Variants in ZFPM2 observed in about 807,000 individuals in gnomAD.
The protein encoded by ZFPM2 is zinc finger protein, FOG family member 2.
A neutral mutation model predicts 98.6 loss-of-function variants in ZFPM2; 20 were observed. That is an observed-to-expected ratio of 0.20 (90% CI 0.14 to 0.29). ZFPM2 has a LOEUF of 0.29. ZFPM2 is among the 10% of genes least tolerant of loss of function. The pLI is 1.00. For missense variants in ZFPM2, 1,310 were observed against 1,388.6 expected (o/e 0.94, Z 0.90); for synonymous variants, 518 against 502.7 (o/e 1.03, Z -0.41).
chr8:105,477,237 CTTTTTTTTTT>C (rs397891589), intron 3 of ZFPM2, among the ~76,000 whole-genome samples: 17 of 74,476 alleles, frequency 2.3e-4, no homozygotes, highest in African/African-American at 7.9e-4. Context: ...TGCTAGCAAT[CTTTTTTTTTT>C]TTTTTTTTTT....
intron 1 of ZFPM2, among the ~76,000 whole-genome samples, chr8:105,395,378 AG>A (rs1811199408): frequency 6.6e-6 from 1 of 152,190 alleles, no homozygotes; most frequent in Admixed American, 6.5e-5. Flanking sequence ...GTAAATAAGA[AG>A]GGGGTCATTT....
chr8:105,489,466 A>ATATATAT (rs1554610604), intron 3 of ZFPM2, among the ~76,000 whole-genome samples: 1 of 119,810 alleles, frequency 8.3e-6, no homozygotes, highest in Admixed American at 9.0e-5. Flanking sequence ...ATATATATAT[A>ATATATAT]TTTTTTTTTT....
At chr8:105,749,557 G>T (rs759867643) in intron 5 of ZFPM2, among the ~76,000 whole-genome samples, 1 of 151,998 alleles carries the variant, frequency 6.6e-6, no homozygotes, top group African/African-American at 2.4e-5. Flanking sequence ...TCCTGGTCAT[G>T]TTCAGCATTT....
chr8:105,628,897 A>G (rs1175887674), intron 4 of ZFPM2, among the ~76,000 whole-genome samples: 2 of 140,484 alleles, frequency 1.4e-5, no homozygotes, highest in African/African-American at 5.2e-5. Flanking sequence ...CTCGCTGGTG[A>G]TGAGTAGCAT....
At chr8:105,393,506 A>G (rs1435800385) in intron 1 of ZFPM2, among the ~76,000 whole-genome samples, 1 of 152,158 alleles carries the variant, frequency 6.6e-6, no homozygotes, top group Non-Finnish European at 1.5e-5. Flanking sequence ...TTTAGTATCT[A>G]CACAACCACG....
intron 3 of ZFPM2, among the ~76,000 whole-genome samples, chr8:105,529,164 A>C (rs903204884): frequency 7.9e-5 from 12 of 152,084 alleles, no homozygotes; most frequent in Non-Finnish European, 2.9e-5. Flanking sequence ...TGATGTCTTC[A>C]TATGGCCTTT....
chr8:105,680,956 C>T (rs1270578762), intron 5 of ZFPM2, among the ~76,000 whole-genome samples: 2 of 151,706 alleles, frequency 1.3e-5, no homozygotes, highest in African/African-American at 4.8e-5. Flanking sequence ...ACCACAAATA[C>T]AAAAAAGCAT....
intron 3 of ZFPM2, among the ~76,000 whole-genome samples, chr8:105,506,673 G>A (rs999834724): frequency 2.6e-5 from 4 of 151,990 alleles, no homozygotes; most frequent in African/African-American, 7.3e-5. Flanking sequence ...AGTAAGTATC[G>A]TATCTAAACT....
At chr8:105,601,818 T>C (rs1223224728) in intron 4 of ZFPM2, among the ~76,000 whole-genome samples, 1 of 152,236 alleles carries the variant, frequency 6.6e-6, no homozygotes, top group Admixed American at 6.5e-5. Context: ...AAGAACTCTT[T>C]GCTGCAAGCT....
At chr8:105,507,177 G>C (rs902233064) in intron 3 of ZFPM2, among the ~76,000 whole-genome samples, 1 of 152,120 alleles carries the variant, frequency 6.6e-6, no homozygotes, top group Admixed American at 6.5e-5. Context: ...CCTGAATACA[G>C]TTATCTAAGA....
At position 105,419,231 on chromosome 8, in the gene ZFPM2, A is replaced by G; in HGVS notation, c.128A>G (p.Glu43Gly). The change falls in exon 2 of 8, where the codon GAG becomes GGG. Residue 43 changes from glutamate to glycine, a missense_variant. Physicochemically the swap from Glu to Gly is moderately conservative, Grantham distance 98. Transcript: ENST00000407775. ...DIISKGDFPL[E>G]ESFSTEFGPE... ...ATCTCCAAAGGAGACTTTCCATTGGAGGAAAGCTTTTCCACAGAATTTGGG... is the reference window on the plus strand; with the variant it reads ...ATCTCCAAAGGAGACTTTCCATTGGGGGAAAGCTTTTCCACAGAATTTGGG... 6.2e-7 allele frequency: 1 copy of G among 1,613,708 alleles called. No homozygotes were observed. Among genetic ancestry groups the G allele is most frequent in the Non-Finnish European group, 8.5e-7 (1 of 1,179,704 alleles).
At chr8:105,459,072 C>T (rs1285904477) in intron 3 of ZFPM2, among the ~76,000 whole-genome samples, 1 of 152,052 alleles carries the variant, frequency 6.6e-6, no homozygotes, top group African/African-American at 2.4e-5. Flanking sequence ...CTTGAATGGC[C>T]CTTCTTTTTT....
At chr8:105,798,157 A>AATAAATATCTT (rs1813889585) in intron 6 of ZFPM2, 1 of 152,290 alleles carries the variant, frequency 6.6e-6, no homozygotes, top group Non-Finnish European at 1.5e-5. Context: ...TACAATTTAA[A>AATAAATATCTT]ATAAATATCT....
chr8:105,795,943 T>TGAG (rs1813793809), intron 6 of ZFPM2: 1 of 233,298 alleles, frequency 4.3e-6, no homozygotes, highest in Non-Finnish European at 8.7e-6. Flanking sequence ...TTAAAATCTC[T>TGAG]GAGACTCTGA....
At chr8:105,425,602 G>C (rs1332219563) in intron 2 of ZFPM2, among the ~76,000 whole-genome samples, 1 of 152,158 alleles carries the variant, frequency 6.6e-6, no homozygotes, top group Admixed American at 6.5e-5. Context: ...TCTGCCGATA[G>C]GCATCCAGGC....
At chr8:105,565,375 A>G (rs1028423771) in intron 4 of ZFPM2, among the ~76,000 whole-genome samples, 3 of 152,320 alleles carry the variant, frequency 2.0e-5, no homozygotes, top group African/African-American at 7.2e-5. Context: ...TTCATGCTTT[A>G]AAAGTTTTAT....
At chr8:105,799,318 A>C (rs1813929823) in intron 7 of ZFPM2, among the ~76,000 whole-genome samples, 1 of 152,212 alleles carries the variant, frequency 6.6e-6, no homozygotes, top group Admixed American at 6.5e-5. Flanking sequence ...ATGGTAGGGA[A>C]GAAATAATAG....
At chr8:105,592,828 C>A (rs975539986) in intron 4 of ZFPM2, among the ~76,000 whole-genome samples, 13 of 152,188 alleles carry the variant, frequency 8.5e-5, no homozygotes, top group African/African-American at 2.9e-4. Flanking sequence ...CTTAGGCAAG[C>A]AGTTTAAAAA....
intron 3 of ZFPM2, among the ~76,000 whole-genome samples, chr8:105,546,523 AG>A (rs1396709930): frequency 6.6e-6 from 1 of 150,618 alleles, no homozygotes; most frequent in Non-Finnish European, 1.5e-5. Context: ...GAGCCAAGAC[AG>A]CACCATTGCA....
Sources: gnomAD v4.1 joint callset for allele counts (sites outside exome capture counted in the v4.1 genomes callset) on GRCh38, gnomAD v4.1.1 for gene constraint, MANE v1.5 for transcripts, NCBI Gene and HGNC (gene_info 2026-07-23, HGNC 2026-07-21) for gene names.